SLC17A5: variants seen among roughly 807,000 people sequenced by gnomAD.
SLC17A5 encodes the protein sialin.
A neutral mutation model predicts 59.4 loss-of-function variants in SLC17A5; 47 were observed. The observed-to-expected ratio is 0.79, with a 90% CI of 0.63 to 1.01. The LOEUF (loss-of-function observed/expected upper bound fraction) is 1.01. SLC17A5 is among the 50% of genes least tolerant of loss of function. The probability of loss-of-function intolerance (pLI) is 0.00; values close to 1 mark genes in which losing one functional copy is unlikely to be tolerated. For synonymous variants in SLC17A5, 202 were observed against 210.7 expected (o/e 0.96, Z 0.36); for missense variants, 522 against 595.5 (o/e 0.88, Z 1.28).
chr6:73,602,353 G>A (rs1037434391), intron 9 of SLC17A5, among the ~76,000 whole-genome samples: 2 of 148,674 alleles, frequency 1.3e-5, no homozygotes, highest in African/African-American at 5.0e-5. Context: ...TTGTTCACTT[G>A]TTTATCTGCC....
At chr6:73,624,961 C>G (rs1768337475) in intron 6 of SLC17A5, among the ~76,000 whole-genome samples, 1 of 152,152 alleles carries the variant, frequency 6.6e-6, no homozygotes, top group Non-Finnish European at 1.5e-5. Context: ...TTGGATACCA[C>G]TGATATTTAG....
intron 6 of SLC17A5, among the ~76,000 whole-genome samples, chr6:73,623,180 G>A (rs1389642033): frequency 6.6e-6 from 1 of 151,422 alleles, no homozygotes; most frequent in Non-Finnish European, 1.5e-5. Flanking sequence ...CTGGGACTAT[G>A]GGCATGCACC....
rs1034907778 is a variant in SLC17A5, at chr6:73,638,576, T to C, written c.526-77A>G. 5.1e-6 allele frequency: 6 copies of C among 1,166,800 alleles called. No individual in the cohort carries two copies. The African/African-American group carries it at 9.1e-5, about 18-fold the overall frequency. 72.3% of individuals were successfully genotyped at this position (1,166,800 alleles called of 1,614,324 possible). Reference sequence around the variant, plus strand: ...ATGCTTTAAAGTAAGTTAAGTATTTTGCTACAAAAGCATTTTCTGGATAAG... The same window carrying C: ...ATGCTTTAAAGTAAGTTAAGTATTTCGCTACAAAAGCATTTTCTGGATAAG... On this transcript the variant is annotated intron_variant, in intron 3 of 10. Transcript: ENST00000355773.
Position 73,653,827 on chromosome 6 carries a change from C to A in SLC17A5, c.60G>T (p.Thr20=), listed in dbSNP as rs1163686601. Residue 20 remains threonine (T), a synonymous_variant, in exon 1 of 11, where the codon ACG becomes ACT. Transcript: ENST00000355773. ...RNDGEESTDR[T]PLLPGAPRAE... The stretch of plus-strand genomic sequence containing the variant: ...CCCGTGGGGCGCCCGGTAGAAGAGG[C>A]GTGCGGTCCGTGCTCTCCTCGCCAT... The A allele has an allele frequency of 6.2e-7, 1 of 1,602,422 alleles. No homozygotes were observed. The highest frequency in any genetic ancestry group is 8.5e-7 in the Non-Finnish European group (1 of 1,175,718).
chr6:73,646,392 AT>A (rs548935226), intron 1 of SLC17A5, among the ~76,000 whole-genome samples: 1 of 151,420 alleles, frequency 6.6e-6, no homozygotes, highest in African/African-American at 2.4e-5. Flanking sequence ...AACTGCTATT[AT>A]TTTTTTTTCC....
At chr6:73,611,246 T>C (rs1366891392) in intron 8 of SLC17A5, among the ~76,000 whole-genome samples, 6 of 152,122 alleles carry the variant, frequency 3.9e-5, no homozygotes, top group Non-Finnish European at 1.5e-5. Flanking sequence ...AGACCTTGTT[T>C]CTTAAAAAGA....
intron 7 of SLC17A5, chr6:73,618,493 C>T (rs1767980303): frequency 4.1e-6 from 2 of 493,650 alleles, no homozygotes; most frequent in African/African-American, 2.0e-5. Flanking sequence ...TACTCATGCA[C>T]AAACAGTAGT....
intron 9 of SLC17A5, among the ~76,000 whole-genome samples, chr6:73,609,563 A>G (rs1322507619): frequency 6.6e-6 from 1 of 152,190 alleles, no homozygotes; most frequent in Non-Finnish European, 1.5e-5. Flanking sequence ...CTACTCTTTC[A>G]CATTCATTCA....
intron 2 of SLC17A5, among the ~76,000 whole-genome samples, chr6:73,642,642 A>G (rs495385): frequency 0.22 from 33,354 of 152,148 alleles, 4,619 homozygotes; most frequent in African/African-American, 0.36. Context: ...TTCATTAGTA[A>G]CAGCACACAG....
At chr6:73,596,561 A>G (rs1766807446) in intron 10 of SLC17A5, among the ~76,000 whole-genome samples, 1 of 152,208 alleles carries the variant, frequency 6.6e-6, no homozygotes, top group African/African-American at 2.4e-5. Flanking sequence ...TGCAGCATTA[A>G]CTAAGAAACA....
At chr6:73,645,226 G>T in intron 1 of SLC17A5, 1 of 510,584 alleles carries the variant, frequency 2.0e-6, no homozygotes, top group Non-Finnish European at 2.5e-6. Flanking sequence ...GTTAAATGTA[G>T]CATAGCAAAA....
chr6:73,649,881 A>C (rs545377391), intron 1 of SLC17A5, among the ~76,000 whole-genome samples: 1 of 152,176 alleles, frequency 6.6e-6, no homozygotes, highest in Non-Finnish European at 1.5e-5. Flanking sequence ...TGAGGTTCTC[A>C]GTGAAACACA....
chr6:73,623,447 G>A lies in SLC17A5; in HGVS notation c.820-1485C>T, dbSNP rs560916901. 6.6e-5 allele frequency among the ~76,000 whole-genome samples: 10 copies of A among 151,802 alleles called. No homozygotes were observed. In the South Asian group the frequency reaches 1.5e-3, roughly 22 times the overall value. Reference sequence around the variant, plus strand: ...GCCTCCCGGGTTCAAGCAATCTCCGGCCTCAGCCCCCCAAGTAGCTGGGAT... The same window carrying A: ...GCCTCCCGGGTTCAAGCAATCTCCGACCTCAGCCCCCCAAGTAGCTGGGAT... On this transcript the variant is annotated intron_variant, in intron 6 of 10. Coordinates refer to ENST00000355773, the MANE Select transcript of SLC17A5 (RefSeq NM_012434.5).
intron 6 of SLC17A5, among the ~76,000 whole-genome samples, chr6:73,630,423 C>A (rs1177145184): frequency 1.3e-5 from 2 of 152,188 alleles, no homozygotes; most frequent in Non-Finnish European, 2.9e-5. Context: ...GGTTGGATAA[C>A]TGAGAAAACA....
rs186889797 is a variant in SLC17A5 at position 73,594,299 on chromosome 6, T to G, written c.*778A>C. 2.0e-5 allele frequency: 3 copies of G among 152,658 alleles called. No homozygotes were observed. The East Asian group carries it at 5.8e-4, about 29-fold the overall frequency. 9.5% of individuals were successfully genotyped at this position (152,658 alleles called of 1,614,324 possible). A position where few individuals can be genotyped will look rare whatever the true frequency, so the allele number is the denominator to read the frequency against. ...CCCCAAAGTGCTGGGATTACAGGCA[T>G]GAGCCACCGTGCCCGGCCGCTTCGC... On this transcript the variant is annotated 3_prime_UTR_variant, in exon 11 of 11. Coordinates refer to ENST00000355773, the MANE Select transcript of SLC17A5 (RefSeq NM_012434.5).
intron 4 of SLC17A5, 33 bp downstream of exon 4, chr6:73,638,379 T>C (rs1769122697): frequency 1.3e-6 from 2 of 1,514,710 alleles, no homozygotes; most frequent in Non-Finnish European, 1.8e-6. Context: ...ATACATAACA[T>C]ATTACAGCAA....
intron 8 of SLC17A5, among the ~76,000 whole-genome samples, chr6:73,611,425 C>T (rs1235457095): frequency 6.6e-6 from 1 of 152,050 alleles, no homozygotes; most frequent in Non-Finnish European, 1.5e-5. Flanking sequence ...AATTACAGGC[C>T]TGGGCCACCA....
chr6:73,600,492 G>T, intron 9 of SLC17A5, 51 bp from the exon 10 acceptor site: 9 of 1,245,198 alleles, frequency 7.2e-6, no homozygotes, highest in South Asian at 1.3e-5. Context: ...CATTTAAACA[G>T]CTTCATTCTT....
chr6:73,600,229 T>G (rs575421123), intron 10 of SLC17A5, 122 bp downstream of exon 10: 5 of 808,236 alleles, frequency 6.2e-6, no homozygotes, highest in Non-Finnish European at 1.0e-5. Flanking sequence ...TTTAGCTTTT[T>G]GTTGCTAAAA....
Sources: allele counts gnomAD v4.1 joint callset (sites outside exome capture counted in the v4.1 genomes callset), GRCh38; gene constraint gnomAD v4.1.1; transcripts MANE v1.5; gene names NCBI Gene and HGNC (gene_info 2026-07-23, HGNC 2026-07-21).